The following CHODL variants were observed in gnomAD, a reference collection of about 807,000 sequenced individuals.
CHODL encodes the protein chondrolectin, also known as transmembrane protein MT75.
In CHODL, 29 loss-of-function variants were observed where a neutral mutation model predicts 34.5. The observed-to-expected ratio is 0.84, with a 90% CI of 0.63 to 1.15. CHODL has a LOEUF of 1.15. CHODL is among the 50% of genes most tolerant of loss of function. CHODL has a pLI of 0.00. For missense variants in CHODL, 332 were observed against 332.5 expected (o/e 1.00, Z 0.01); for synonymous variants, 125 against 116.1 (o/e 1.08, Z -0.49).
intron 2 of CHODL, among the ~76,000 whole-genome samples, chr21:18,043,419 C>T (rs917511595): frequency 6.6e-6 from 1 of 151,912 alleles, no homozygotes; most frequent in Non-Finnish European, 1.5e-5. Context: ...TTCTTGCTGC[C>T]TTATTTTCAT....
chr21:17,985,100 T>A lies in CHODL; in HGVS notation c.-144-42772T>A, dbSNP rs182167468. On this transcript the variant is annotated intron_variant, in intron 1 of 6. Transcript: ENST00000400127. ...AGAAAAATTCTTATTCAGATTTTGA[T>A]TGGGATTGCATTAAGTTTATAGATT... Among the ~76,000 whole-genome samples, 589 of 152,246 alleles carry A rather than the reference T, an allele frequency of 3.9e-3. 6 individuals carry two copies. The highest frequency in any genetic ancestry group is 0.012 in the East Asian group (64 of 5,184).
At chr21:18,240,747 T>G (rs1454313789), upstream of CHODL, among the ~76,000 whole-genome samples, 1 of 152,092 alleles carries the variant, frequency 6.6e-6, no homozygotes. Flanking sequence ...AAAAAGAAAT[T>G]TTAATTGAGT....
intron 2 of CHODL, among the ~76,000 whole-genome samples, chr21:18,118,977 G>A (rs1389788950): frequency 1.3e-5 from 2 of 151,978 alleles, no homozygotes; most frequent in Non-Finnish European, 2.9e-5. Flanking sequence ...TCCACTCCCA[G>A]CAGTCAGTTT....
chr21:18,155,202 G>A (rs780243761), intron 2 of CHODL, among the ~76,000 whole-genome samples: 2 of 152,130 alleles, frequency 1.3e-5, no homozygotes, highest in African/African-American at 4.8e-5. Flanking sequence ...TAAAAGTCAG[G>A]TTGAAGAAAG....
intron 1 of CHODL, among the ~76,000 whole-genome samples, chr21:17,921,975 A>T (rs2063186531): frequency 7.1e-6 from 1 of 141,704 alleles, no homozygotes; most frequent in Non-Finnish European, 1.6e-5. Flanking sequence ...GATTGTCCAG[A>T]TTTATTCCAC....
chr21:17,998,018 A>C (rs938154047), intron 1 of CHODL, among the ~76,000 whole-genome samples: 1 of 152,230 alleles, frequency 6.6e-6, no homozygotes, highest in East Asian at 1.9e-4. Context: ...GTCTCATCTG[A>C]GACAAGGCAA....
intron 2 of CHODL, among the ~76,000 whole-genome samples, chr21:18,050,834 GAAA>G (rs1424798294): frequency 6.6e-6 from 1 of 151,630 alleles, no homozygotes; most frequent in African/African-American, 2.4e-5. Context: ...GGTTAGAAAA[GAAA>G]AACTGAAGTT....
At position 18,248,270 on chromosome 21, in the gene CHODL, C is replaced by T. The variant is rs541375146; in HGVS notation, c.79+2968C>T. On this transcript the variant is annotated intron_variant, in intron 1 of 5. Coordinates refer to ENST00000299295, the MANE Select transcript of CHODL (RefSeq NM_024944.3). Reference sequence around the variant, plus strand: ...GTGAACAGTAGCACATACATTAATACAATATGATATAATATATACCAAGGG... The same window carrying T: ...GTGAACAGTAGCACATACATTAATATAATATGATATAATATATACCAAGGG... Among the ~76,000 whole-genome samples, 163 of 151,690 alleles carry T rather than the reference C, an allele frequency of 1.1e-3. 1 individual carries two copies. The highest frequency in any genetic ancestry group is 3.5e-3 in the African/African-American group (146 of 41,410).
chr21:18,012,887 GGCTGGAGTGGTATT>G (rs547666684), intron 1 of CHODL, among the ~76,000 whole-genome samples: 85 of 152,260 alleles, frequency 5.6e-4, no homozygotes, highest in African/African-American at 1.8e-3. Context: ...TATAAAATAT[GGCTGGAGTGGTATT>G]GCTGTCGTTC....
chr21:18,057,248 A>G (rs1386679564), intron 2 of CHODL, among the ~76,000 whole-genome samples: 1 of 152,040 alleles, frequency 6.6e-6, no homozygotes, highest in East Asian at 1.9e-4. Flanking sequence ...TTTTTTATAA[A>G]ATACCATACC....
chr21:18,249,206 TACA>T (rs1410129106), intron 1 of CHODL, among the ~76,000 whole-genome samples: 1 of 146,984 alleles, frequency 6.8e-6, no homozygotes, highest in African/African-American at 2.5e-5. Flanking sequence ...TTTTACTATT[TACA>T]ACAACTTTCT....
intron 1 of CHODL, among the ~76,000 whole-genome samples, chr21:17,966,224 T>C (rs950133784): frequency 7.9e-5 from 12 of 152,154 alleles, no homozygotes; most frequent in African/African-American, 2.7e-4. Context: ...AGGTTTTGCT[T>C]AGTTCTGGCA....
chr21:17,957,367 C>G (rs931105520), intron 1 of CHODL, among the ~76,000 whole-genome samples: 1 of 152,184 alleles, frequency 6.6e-6, no homozygotes, highest in Non-Finnish European at 1.5e-5. Context: ...CTCCCTCCCT[C>G]CATCAAGATA....
rs151181413 is a variant in CHODL, at chr21:17,984,132, G to A, written c.-144-43740G>A. 5.8e-3 allele frequency among the ~76,000 whole-genome samples: 879 copies of A among 152,142 alleles called. 6 individuals are homozygous for A. The highest frequency in any genetic ancestry group is 0.014 in the African/African-American group (589 of 41,520). The stretch of plus-strand genomic sequence containing the variant: ...ATGATTTTGACTATTTTAGATACCC[G>A]ATGTAAGTGGAATCATGCAGTGGTT... On this transcript the variant is annotated intron_variant, in intron 1 of 6. Transcript: ENST00000400127.
At chr21:18,107,726 A>G (rs2065290883) in intron 2 of CHODL, among the ~76,000 whole-genome samples, 2 of 152,236 alleles carry the variant, frequency 1.3e-5, no homozygotes, top group Non-Finnish European at 2.9e-5. Context: ...AGACCTGGAC[A>G]GAGAAATGGC....
intron 1 of CHODL, among the ~76,000 whole-genome samples, chr21:17,965,977 G>T (rs2046539727): frequency 6.7e-6 from 1 of 149,736 alleles, no homozygotes; most frequent in African/African-American, 2.5e-5. Flanking sequence ...ATGGATTGTG[G>T]TTATGATACA....
intron 1 of CHODL, among the ~76,000 whole-genome samples, chr21:17,956,228 A>C (rs1426844046): frequency 7.5e-6 from 1 of 133,422 alleles, no homozygotes; most frequent in Non-Finnish European, 1.7e-5. Context: ...GAACTCTTGC[A>C]CTGAATTCAC....
At chr21:17,977,447 C>A (rs1393951655) in intron 1 of CHODL, among the ~76,000 whole-genome samples, 1 of 148,892 alleles carries the variant, frequency 6.7e-6, no homozygotes, top group Non-Finnish European at 1.5e-5. Context: ...CTCACTGCAA[C>A]CTCCGCCTTC....
chr21:18,050,465 A>T (rs1395097906), intron 2 of CHODL, among the ~76,000 whole-genome samples: 1 of 151,980 alleles, frequency 6.6e-6, no homozygotes, highest in Non-Finnish European at 1.5e-5. Flanking sequence ...TCCCATTTAA[A>T]GGGCTGTGGC....
Sources: gnomAD v4.1 joint callset for allele counts (sites outside exome capture counted in the v4.1 genomes callset) on GRCh38, gnomAD v4.1.1 for gene constraint, MANE v1.5 for transcripts, NCBI Gene and HGNC (gene_info 2026-07-23, HGNC 2026-07-21) for gene names.